The following ZNF793 variants were observed in gnomAD, a reference collection of about 807,000 sequenced individuals.
ZNF793 encodes the protein zinc finger protein 793.
A neutral mutation model predicts 12.4 loss-of-function variants in ZNF793; 5 were observed. The observed-to-expected ratio is 0.40, with a 90% CI of 0.21 to 0.84. The LOEUF (loss-of-function observed/expected upper bound fraction) is 0.84. ZNF793 is among the 40% of genes least tolerant of loss of function. The pLI, the probability that ZNF793 is intolerant of heterozygous loss-of-function variation, is 0.35. For missense variants in ZNF793, 456 were observed against 495.0 expected (o/e 0.92, Z 0.75); for synonymous variants, 162 against 172.4 (o/e 0.94, Z 0.47).
chr19:37,515,464 C>G (rs995675389), intron 2 of ZNF793, among the ~76,000 whole-genome samples: 1 of 152,076 alleles, frequency 6.6e-6, no homozygotes, highest in Admixed American at 6.6e-5. Context: ...CCCGCCACCC[C>G]ACCCGGCCAA....
Position 37,543,139 on chromosome 19 carries a change from G to A in ZNF793, c.*5260G>A, listed in dbSNP as rs1484262474. The A allele has an allele frequency of 6.6e-6, 1 of 152,178 alleles. No individual in the cohort carries two copies. The highest frequency in any genetic ancestry group is 2.4e-5 in the African/African-American group (1 of 41,450). The allele number at this position is 152,178 out of a possible 1,614,324, so 9.4% of individuals were successfully genotyped here. On this transcript the variant is annotated 3_prime_UTR_variant, in exon 8 of 8. Coordinates refer to ENST00000627814, the MANE Select transcript of ZNF793 (RefSeq NM_001013659.3). Reference sequence around the variant, plus strand: ...TTAAAAAAAGTAAAAACTCCTGTGTGTGTATATATGCATGTGGATGTTTAT... The same window carrying A: ...TTAAAAAAAGTAAAAACTCCTGTGTATGTATATATGCATGTGGATGTTTAT...
chr19:37,536,952 G>C lies in ZNF793; in HGVS notation c.294G>C (p.Arg98Ser), dbSNP rs1299816251. ...QRKRRQDMLLRPGAAISKKTL... is the reference protein window; with the variant it reads ...QRKRRQDMLLSPGAAISKKTL... ...AAAGACGGCAAGACATGCTTTTGAG[G>C]CCAGGCGCAGCCATAAGCAAGAAAA... Residue 98 changes from arginine (R) to serine (S), a missense_variant, in exon 8 of 8, where the codon AGG (arginine) becomes AGC (serine). Transcript: ENST00000627814. The C allele has an allele frequency of 6.2e-7, 1 of 1,613,436 alleles. No homozygotes were observed. Among genetic ancestry groups the C allele is most frequent in the South Asian group, 1.1e-5 (1 of 90,904 alleles).
chr19:37,517,172 A>G (rs183808332), intron 2 of ZNF793, among the ~76,000 whole-genome samples: 7 of 152,246 alleles, frequency 4.6e-5, no homozygotes, highest in African/African-American at 1.4e-4. Flanking sequence ...TTTTAAATAA[A>G]AAAGGAAAAT....
Position 37,538,195 on chromosome 19 carries a change from G to A in ZNF793, c.*316G>A, listed in dbSNP as rs5020265. ...CTCCCAAAGTGCTGGGATTACAGGC[G>A]TGAGCCACCGCGCCTGGCCGGTATG... On this transcript the variant is annotated 3_prime_UTR_variant, in exon 8 of 8. Transcript: ENST00000627814. 35 of 234,286 alleles carry A rather than the reference G, an allele frequency of 1.5e-4. No individual in the cohort carries two copies. The highest frequency in any genetic ancestry group is 1.6e-3 in the Middle Eastern group (1 of 636). 14.5% of individuals were successfully genotyped at this position (234,286 alleles called of 1,614,324 possible).
chr19:37,510,697 C>A (rs894550808), intron 2 of ZNF793, among the ~76,000 whole-genome samples: 5 of 148,884 alleles, frequency 3.4e-5, no homozygotes, highest in African/African-American at 7.4e-5. Context: ...AAAAAAAATT[C>A]TTTTCTTTTT....
At chr19:37,524,434 T>G (rs1342411836) in intron 5 of ZNF793, among the ~76,000 whole-genome samples, 1 of 152,128 alleles carries the variant, frequency 6.6e-6, no homozygotes, top group Non-Finnish European at 1.5e-5. Flanking sequence ...AGACTTGATA[T>G]TACAAGTAGT....
At chr19:37,524,728 A>G (rs1236137589) in intron 5 of ZNF793, among the ~76,000 whole-genome samples, 1 of 152,196 alleles carries the variant, frequency 6.6e-6, no homozygotes, top group Non-Finnish European at 1.5e-5. Flanking sequence ...CCTGTGGGAA[A>G]TATGGAACGG....
At chr19:37,514,103 A>C (rs2042312840) in intron 2 of ZNF793, among the ~76,000 whole-genome samples, 2 of 152,344 alleles carry the variant, frequency 1.3e-5, no homozygotes, top group Admixed American at 1.3e-4. Flanking sequence ...AAAAAGGGGA[A>C]TAACCATATT....
intron 4 of ZNF793, 55 bp from the exon 5 acceptor site, chr19:37,523,354 TA>T (rs2042389594): frequency 7.1e-7 from 1 of 1,407,030 alleles, no homozygotes. Context: ...CCTAGCTCTT[TA>T]CACTCTGTTC....
chr19:37,522,370 G>A (rs1177296113), intron 3 of ZNF793, among the ~76,000 whole-genome samples, 162 bp from the exon 4 acceptor site: 1 of 151,956 alleles, frequency 6.6e-6, no homozygotes, highest in African/African-American at 2.4e-5. Context: ...GCAAATTTTT[G>A]TATTTTTAGT....
At chr19:37,524,829 A>G (rs1040642881) in intron 5 of ZNF793, among the ~76,000 whole-genome samples, 1 of 152,220 alleles carries the variant, frequency 6.6e-6, no homozygotes. Context: ...CTTTACGCAC[A>G]TAAAAGTATG....
Position 37,537,910 on chromosome 19 carries a change from A to AT in ZNF793, c.*31_*32insT. On this transcript the variant is annotated 3_prime_UTR_variant, in exon 8 of 8. Transcript: ENST00000627814. ...ATATCTGGTTTCATGGTATGTAGGG[A>AT]ATTTTTTTTTTTTTTTTTTGAGTTG... 1.4e-6 allele frequency: 2 copies of AT among 1,463,826 alleles called. No homozygotes were observed. The highest frequency in any genetic ancestry group is 1.8e-6 in the Non-Finnish European group (2 of 1,107,070). 90.7% of individuals were successfully genotyped at this position (1,463,826 alleles called of 1,614,324 possible).
chr19:37,507,734 GA>G (rs2042261927), intron 1 of ZNF793, among the ~76,000 whole-genome samples: 1 of 152,178 alleles, frequency 6.6e-6, no homozygotes, highest in South Asian at 2.1e-4. Context: ...CAGTCGTTGG[GA>G]TATCATTGGC....
At chr19:37,511,280 GAAT>G (rs1226942393) in intron 2 of ZNF793, among the ~76,000 whole-genome samples, 2 of 152,188 alleles carry the variant, frequency 1.3e-5, no homozygotes, top group African/African-American at 4.8e-5. Context: ...CATATTCACT[GAAT>G]TTGATAGGAT....
In ZNF793 at chr19:37,537,609, G is replaced by A. The variant is rs2042518058; in HGVS notation, c.951G>A (p.Gly317=). 1 of 1,614,008 alleles carries A rather than the reference G, an allele frequency of 6.2e-7. No homozygotes were observed. Among genetic ancestry groups the A allele is most frequent in the Non-Finnish European group, 8.5e-7 (1 of 1,180,024 alleles). ...GACCCTTTGTCTGCAGTGAATGCGGGAAATCGTTTGGTGAGAAGTCATACC... is the reference window on the plus strand; with the variant it reads ...GACCCTTTGTCTGCAGTGAATGCGGAAAATCGTTTGGTGAGAAGTCATACC... ...GERPFVCSEC[G]KSFGEKSYLN... is the part of the protein sequence containing the mutation. The change falls in exon 8 of 8, where the codon GGG becomes GGA. Residue 317 remains glycine, a synonymous_variant. Transcript: ENST00000627814.
intron 3 of ZNF793, among the ~76,000 whole-genome samples, chr19:37,521,722 C>A (rs900444507): frequency 5.3e-5 from 8 of 151,918 alleles, no homozygotes; most frequent in Admixed American, 5.3e-4. Context: ...GGATTATAGG[C>A]GTGAGCCACC....
intron 7 of ZNF793, chr19:37,534,191 CTA>C (rs958424419): frequency 1.3e-5 from 2 of 152,176 alleles, no homozygotes; most frequent in African/African-American, 4.8e-5. Context: ...CTGTTACTAT[CTA>C]TTTCCCTGGC....
At chr19:37,531,921 A>G (rs2042464305) in intron 5 of ZNF793, among the ~76,000 whole-genome samples, 2 of 152,202 alleles carry the variant, frequency 1.3e-5, no homozygotes, top group African/African-American at 4.8e-5. Context: ...CCCACCATAT[A>G]TAACACAAAG....
At position 37,537,572 on chromosome 19, in the gene ZNF793, A is replaced by T. The variant is rs375746014; in HGVS notation, c.914A>T (p.His305Leu). 2.2e-5 allele frequency: 36 copies of T among 1,614,194 alleles called. No individual in the cohort carries two copies. The highest frequency in any genetic ancestry group is 2.9e-5 in the Non-Finnish European group (34 of 1,180,030). The stretch of plus-strand genomic sequence containing the variant: ...CACCGCACAGAACATCAGAGAACAC[A>T]CACAGGAGAGAGACCCTTTGTCTGC... ...KSHRTEHQRTHTGERPFVCSE... is the reference protein window; with the variant it reads ...KSHRTEHQRTLTGERPFVCSE... The change falls in exon 8 of 8, where the codon CAC (histidine) becomes CTC (leucine). Residue 305 changes from histidine to leucine, a missense_variant. Transcript: ENST00000627814.
Sources: allele counts gnomAD v4.1 joint callset (sites outside exome capture counted in the v4.1 genomes callset), GRCh38; gene constraint gnomAD v4.1.1; transcripts MANE v1.5; gene names NCBI Gene and HGNC (gene_info 2026-07-23, HGNC 2026-07-21).